The following GRB10 variants were observed in gnomAD, a reference collection of about 807,000 sequenced individuals.
GRB10 encodes growth factor receptor bound protein 10.
GRB10 carries 20 observed loss-of-function variants against 80.9 expected under a neutral mutation model. That is an observed-to-expected ratio of 0.25 (90% confidence interval 0.17 to 0.36). The LOEUF (loss-of-function observed/expected upper bound fraction) is 0.36, where lower values mean the gene tolerates loss of function less well. Among genes scored for constraint, GRB10 ranks in the 10% least tolerant of loss-of-function variants. The probability of loss-of-function intolerance (pLI) is 1.00; values close to 1 mark genes in which losing one functional copy is unlikely to be tolerated. For missense variants in GRB10, 548 were observed against 747.7 expected (o/e 0.73, Z 3.12); for synonymous variants, 291 against 291.5 (o/e 1.00, Z 0.02).
rs752538444 is a variant in GRB10 at position 50,593,075 on chromosome 7, G to A, written c.1662C>T (p.Phe554=). 2 of 1,614,190 alleles carry A rather than the reference G, an allele frequency of 1.2e-6. No individual in the cohort carries two copies. Among genetic ancestry groups the A allele is most frequent in the Non-Finnish European group, 8.5e-7 (1 of 1,180,042 alleles). ...TGGTGTTCCCGTCATCTAGGCTGAA[G>A]AACGTCTGCCCGTCGTCCTCGCACT... The part of the protein sequence containing the change: ...ILPCEDDGQT[F]FSLDDGNTKF... The change falls in exon 19 of 19, where the codon TTC becomes TTT. Residue 554 remains phenylalanine (F), a synonymous_variant. Transcript: ENST00000401949.
At chr7:50,687,675 A>C (rs2062268396) in intron 5 of GRB10, among the ~76,000 whole-genome samples, 2 of 152,158 alleles carry the variant, frequency 1.3e-5, no homozygotes, top group African/African-American at 4.8e-5. Context: ...CAAAACAACA[A>C]ATCTGCTGTC....
intron 1 of GRB10, among the ~76,000 whole-genome samples, chr7:50,781,721 G>T (rs1377131454): frequency 6.6e-6 from 1 of 152,230 alleles, no homozygotes. Flanking sequence ...CGACTGGCGT[G>T]TGGAACAGGT....
chr7:50,696,514 G>A (rs1472016732), intron 5 of GRB10, among the ~76,000 whole-genome samples: 2 of 152,092 alleles, frequency 1.3e-5, no homozygotes, highest in African/African-American at 4.8e-5. Context: ...TGCACCACAC[G>A]GCCCACTAAG....
chr7:50,638,802 A>G (rs931731804), intron 7 of GRB10, among the ~76,000 whole-genome samples: 3 of 152,234 alleles, frequency 2.0e-5, no homozygotes, highest in African/African-American at 4.8e-5. Context: ...TATGTTTATC[A>G]AAGCACTATT....
chr7:50,671,227 C>T (rs76571102), intron 6 of GRB10, among the ~76,000 whole-genome samples: 1,726 of 152,254 alleles, frequency 0.011, 30 homozygotes, highest in African/African-American at 0.039. Flanking sequence ...TATCTTCACT[C>T]GGCATTTCCA....
intron 17 of GRB10, chr7:50,595,874 C>A: frequency 4.4e-6 from 1 of 225,466 alleles, no homozygotes; most frequent in Non-Finnish European, 8.9e-6. Flanking sequence ...GAGGACATGT[C>A]AAAAAGACAC....
rs2045696584 is a variant in GRB10, at chr7:50,590,172, A to C, written c.*2780T>G. The C allele has an allele frequency of 6.6e-6, 1 of 152,242 alleles. No individual in the cohort carries two copies. The highest frequency in any genetic ancestry group is 1.5e-5 in the Non-Finnish European group (1 of 68,048). The allele number at this position is 152,242 out of a possible 1,614,324, so 9.4% of individuals were successfully genotyped here. On this transcript the variant is annotated 3_prime_UTR_variant, in exon 19 of 19. Coordinates refer to ENST00000401949, the MANE Select transcript of GRB10 (RefSeq NM_001350814.2). ...AGTTTACAATTAGGTTCACGAGCCAAAGAGCTATGTACAGAATGAAGCAAA... is the reference window on the plus strand; with the variant it reads ...AGTTTACAATTAGGTTCACGAGCCACAGAGCTATGTACAGAATGAAGCAAA...
At chr7:50,735,007 A>C (rs1464763374) in intron 3 of GRB10, among the ~76,000 whole-genome samples, 1 of 152,228 alleles carries the variant, frequency 6.6e-6, no homozygotes, top group African/African-American at 2.4e-5. Context: ...GAAAGGAGGA[A>C]CTAAAATCAT....
intron 3 of GRB10, among the ~76,000 whole-genome samples, chr7:50,742,697 A>G (rs2072108027): frequency 6.6e-6 from 1 of 151,786 alleles, no homozygotes; most frequent in Non-Finnish European, 1.5e-5. Context: ...CCCAGGCTGC[A>G]TCCCAGACCA....
chr7:50,626,000 C>T (rs1390037566), intron 8 of GRB10, among the ~76,000 whole-genome samples: 2 of 152,166 alleles, frequency 1.3e-5, no homozygotes, highest in African/African-American at 4.8e-5. Flanking sequence ...TTCTCTCCTT[C>T]AAGACATGGA....
chr7:50,687,268 A>T (rs2062209297), intron 5 of GRB10, among the ~76,000 whole-genome samples: 1 of 152,226 alleles, frequency 6.6e-6, no homozygotes, highest in African/African-American at 2.4e-5. Context: ...GAGCTGTTCC[A>T]GGCCCAGGAA....
At chr7:50,786,120 G>A (rs1051458740), upstream of GRB10, among the ~76,000 whole-genome samples, 1 of 151,910 alleles carries the variant, frequency 6.6e-6, no homozygotes, top group African/African-American at 2.4e-5. Context: ...GAGATCCTAA[G>A]AAATTCAAAA....
chr7:50,655,973 A>G (rs2058604021), intron 7 of GRB10, among the ~76,000 whole-genome samples: 1 of 152,180 alleles, frequency 6.6e-6, no homozygotes, highest in African/African-American at 2.4e-5. Context: ...GTGCCTCTAT[A>G]AGGTGATTAG....
intron 7 of GRB10, among the ~76,000 whole-genome samples, chr7:50,635,902 T>TA (rs56099361): frequency 0.035 from 3,377 of 96,418 alleles, 97 homozygotes; most frequent in South Asian, 0.079. Context: ...AATCTTCCAA[T>TA]AAAAAAAAAA....
At chr7:50,758,240 G>C (rs150572668) in intron 2 of GRB10, among the ~76,000 whole-genome samples, 403 of 152,184 alleles carry the variant, frequency 2.6e-3, no homozygotes, top group Non-Finnish European at 4.4e-3. Flanking sequence ...CCAACACCCC[G>C]AGAGTAGACC....
chr7:50,626,673 GA>G, intron 8 of GRB10, 148 bp downstream of exon 8: 1 of 854,546 alleles, frequency 1.2e-6, no homozygotes, highest in Non-Finnish European at 2.0e-6. Flanking sequence ...AATTTTAGGA[GA>G]AACAGGAGAG....
intron 5 of GRB10, among the ~76,000 whole-genome samples, chr7:50,689,846 A>T (rs2062584751): frequency 6.6e-6 from 1 of 151,772 alleles, no homozygotes; most frequent in African/African-American, 2.4e-5. Context: ...CTTGTAATCT[A>T]ACTGAAATTC....
At position 50,620,046 on chromosome 7, in the gene GRB10, G is replaced by T. The variant is rs558575308; in HGVS notation, c.662-761C>A. On this transcript the variant is annotated intron_variant, in intron 8 of 18. Transcript: ENST00000401949. ...TGTGAACACAGTGGTTCCAAGTGGA[G>T]CGGGAAGAACTCAGCATACTCTAGA... Among the ~76,000 whole-genome samples the T allele has an allele frequency of 4.6e-5, 7 of 152,326 alleles. No individual in the cohort carries two copies. In the South Asian group the frequency reaches 1.4e-3, roughly 32 times the overall value.
At chr7:50,694,709 G>A (rs1228579322) in intron 5 of GRB10, among the ~76,000 whole-genome samples, 1 of 152,154 alleles carries the variant, frequency 6.6e-6, no homozygotes, top group East Asian at 1.9e-4. Context: ...ACTGAACTCA[G>A]GGGTCTCAGA....
Sources: allele counts gnomAD v4.1 joint callset (sites outside exome capture counted in the v4.1 genomes callset), GRCh38; gene constraint gnomAD v4.1.1; transcripts MANE v1.5; gene names NCBI Gene and HGNC (gene_info 2026-07-23, HGNC 2026-07-21).